The following OR10J1 variants were observed in gnomAD, a reference collection of about 807,000 sequenced individuals.
OR10J1 encodes the protein olfactory receptor 10J1.
For missense variants in OR10J1, 474 were observed against 376.6 expected (o/e 1.26, Z -2.14); for synonymous variants, 202 against 143.8 (o/e 1.40, Z -2.89).
the OR10J1 span, among the ~76,000 whole-genome samples, chr1:159,418,166 A>G: frequency 1.3e-5 from 2 of 152,186 alleles, no homozygotes; most frequent in African/African-American, 2.4e-5. Flanking sequence ...AGAAACTTCC[A>G]TTTTCTGAGG....
chr1:159,440,426 T>C lies in OR10J1; in HGVS notation c.635T>C (p.Leu212Pro). 6.2e-7 allele frequency: 1 copy of C among 1,614,194 alleles called. No individual in the cohort carries two copies. Among genetic ancestry groups the C allele is most frequent in the Non-Finnish European group, 8.5e-7 (1 of 1,180,032 alleles). ...SVLVLVVPMG[L>P]VFISYVLIIS... The stretch of plus-strand genomic sequence containing the variant: ...CTGGTGCTTGTTGTACCTATGGGTC[T>C]GGTTTTCATTTCTTATGTTCTCATT... Residue 212 changes from leucine (L) to proline (P), a missense_variant, in exon 1 of 1, where the codon CTG becomes CCG. Coordinates refer to ENST00000423932, the MANE Select transcript of OR10J1 (RefSeq NM_012351.3).
chr1:159,413,407 C>T, the OR10J1 span, among the ~76,000 whole-genome samples: 74 of 151,890 alleles, frequency 4.9e-4, no homozygotes, highest in African/African-American at 1.6e-3. Context: ...TATTGTGGCA[C>T]TATTCACAAT....
the OR10J1 span, among the ~76,000 whole-genome samples, chr1:159,423,142 T>G: frequency 1.3e-5 from 2 of 152,334 alleles, no homozygotes; most frequent in South Asian, 4.1e-4. Flanking sequence ...CAACAGATGG[T>G]TCATGTAGCC....
chr1:159,418,290 C>T, the OR10J1 span, among the ~76,000 whole-genome samples: 1 of 152,140 alleles, frequency 6.6e-6, no homozygotes, highest in Non-Finnish European at 1.5e-5. Context: ...GCAGCAGCCC[C>T]TCCCACCACA....
chr1:159,423,419 A>G, the OR10J1 span, among the ~76,000 whole-genome samples: 1 of 152,220 alleles, frequency 6.6e-6, no homozygotes, highest in Non-Finnish European at 1.5e-5. Flanking sequence ...TGTATAGGGA[A>G]CAGCCTTGAA....
upstream of OR10J1, among the ~76,000 whole-genome samples, chr1:159,437,447 T>C (rs555323318): frequency 1.4e-4 from 21 of 152,268 alleles, no homozygotes; most frequent in Admixed American, 2.6e-4. Flanking sequence ...TTGAGCTGCC[T>C]AGATTTTTCA....
At chr1:159,431,280 T>C in the OR10J1 span, among the ~76,000 whole-genome samples, 1 of 152,136 alleles carries the variant, frequency 6.6e-6, no homozygotes, top group Admixed American at 6.5e-5. Context: ...CACTGTGAAT[T>C]TGAACCTTGA....
the OR10J1 span, among the ~76,000 whole-genome samples, chr1:159,400,571 TTAC>T: frequency 6.7e-6 from 1 of 149,410 alleles, no homozygotes; most frequent in African/African-American, 2.4e-5. Context: ...TATATATTTA[TTAC>T]ATAAAATTTA....
chr1:159,424,016 A>G, the OR10J1 span, among the ~76,000 whole-genome samples: 1 of 152,180 alleles, frequency 6.6e-6, no homozygotes, highest in African/African-American at 2.4e-5. Context: ...GGAGTTCAAG[A>G]CCAGCCTGGC....
chr1:159,415,539 CT>C, the OR10J1 span, among the ~76,000 whole-genome samples: 1 of 152,046 alleles, frequency 6.6e-6, no homozygotes, highest in African/African-American at 2.4e-5. Context: ...CTCAAGATTG[CT>C]TTGGCTATTC....
the OR10J1 span, among the ~76,000 whole-genome samples, chr1:159,411,607 G>A: frequency 1.3e-5 from 2 of 152,074 alleles, no homozygotes; most frequent in Admixed American, 1.3e-4. Flanking sequence ...CACATGAGAT[G>A]GGCTTCCTGA....
chr1:159,431,139 G>A, the OR10J1 span, among the ~76,000 whole-genome samples: 1 of 152,120 alleles, frequency 6.6e-6, no homozygotes, highest in African/African-American at 2.4e-5. Context: ...TAATATTTGG[G>A]GATATTGGAA....
the OR10J1 span, among the ~76,000 whole-genome samples, chr1:159,418,810 G>T: frequency 6.6e-6 from 1 of 152,196 alleles, no homozygotes; most frequent in Non-Finnish European, 1.5e-5. Flanking sequence ...ACAGCTAGAA[G>T]GGAGGTTGTA....
the OR10J1 span, among the ~76,000 whole-genome samples, chr1:159,408,860 G>C: frequency 7.9e-5 from 12 of 151,998 alleles, no homozygotes; most frequent in Admixed American, 7.9e-4. Context: ...ATTATGTCAT[G>C]TTTAGGGAAT....
At chr1:159,398,321 C>A in the OR10J1 span, among the ~76,000 whole-genome samples, 1 of 152,200 alleles carries the variant, frequency 6.6e-6, no homozygotes, top group Non-Finnish European at 1.5e-5. Context: ...ACATACATTA[C>A]TCTTTGATTC....
the OR10J1 span, chr1:159,406,216 C>G: frequency 1.9e-6 from 1 of 525,336 alleles, no homozygotes; most frequent in Non-Finnish European, 3.9e-6. Flanking sequence ...AATGTCCAGG[C>G]GAGTAATGGT....
At position 159,440,864 on chromosome 1, in the gene OR10J1, G is replaced by A. The variant is rs898061209; in HGVS notation, c.*143G>A. 2.4e-6 allele frequency: 2 copies of A among 828,884 alleles called. No homozygotes were observed. Among genetic ancestry groups the A allele is most frequent in the African/African-American group, 1.7e-5 (1 of 58,966 alleles). The allele number at this position is 828,884 out of a possible 1,614,324, so 51.3% of individuals were successfully genotyped here. A position where few individuals can be genotyped will look rare whatever the true frequency, so the allele number is the denominator to read the frequency against. Reference sequence around the variant, plus strand: ...GAATAGCAGTTTCATACAACTGGGAGTCTGAAGCTTTAAATAAAGTTACTG... The same window carrying A: ...GAATAGCAGTTTCATACAACTGGGAATCTGAAGCTTTAAATAAAGTTACTG... On this transcript the variant is annotated 3_prime_UTR_variant, in exon 1 of 1. Coordinates refer to ENST00000423932, the MANE Select transcript of OR10J1 (RefSeq NM_012351.3).
the OR10J1 span, among the ~76,000 whole-genome samples, chr1:159,424,820 C>T: frequency 2.6e-5 from 4 of 151,946 alleles, no homozygotes; most frequent in South Asian, 2.1e-4. Flanking sequence ...TCAAGGAAAA[C>T]AGTATTTCAA....
the OR10J1 span, among the ~76,000 whole-genome samples, chr1:159,410,652 C>T: frequency 1.3e-5 from 2 of 151,102 alleles, no homozygotes. Flanking sequence ...AAAACCAGCT[C>T]CTGGATTCAT....
Sources: gnomAD v4.1 joint callset for allele counts (sites outside exome capture counted in the v4.1 genomes callset) on GRCh38, gnomAD v4.1.1 for gene constraint, MANE v1.5 for transcripts, NCBI Gene and HGNC (gene_info 2026-07-23, HGNC 2026-07-21) for gene names.